The following RGS7 variants were observed in gnomAD, a reference collection of about 807,000 sequenced individuals.
RGS7 encodes the protein regulator of G protein signaling 7, also known as regulator of G-protein signaling 7.
A neutral mutation model predicts 81.1 loss-of-function variants in RGS7; 27 were observed. The ratio of observed to expected loss-of-function variants is 0.33; its 90% CI spans 0.25 to 0.46. The LOEUF is 0.46. RGS7 is among the 20% of genes least tolerant of loss of function. RGS7 has a pLI of 1.00. For missense variants in RGS7, 396 were observed against 607.4 expected, an observed-to-expected ratio of 0.65 and a Z score of 3.66; for synonymous variants, 208 against 207.7, an observed-to-expected ratio of 1.00 and a Z score of -0.01.
intron 2 of RGS7, among the ~76,000 whole-genome samples, chr1:241,262,694 T>C (rs1029119234): frequency 6.6e-6 from 1 of 152,156 alleles, no homozygotes; most frequent in Non-Finnish European, 1.5e-5. Flanking sequence ...TATTTCCCAA[T>C]TTCTAAACAG....
At chr1:240,791,453 G>T (rs1322446770) in intron 18 of RGS7, among the ~76,000 whole-genome samples, 2 of 152,192 alleles carry the variant, frequency 1.3e-5, no homozygotes, top group African/African-American at 4.8e-5. Context: ...ATGCAATTTA[G>T]ATAAAGATGT....
rs376767387 is a variant in RGS7 at position 240,827,196 on chromosome 1, C to A, written c.610-24G>T. On this transcript the variant is annotated intron_variant, in intron 9 of 18. Coordinates refer to ENST00000440928, the MANE Select transcript of RGS7 (RefSeq NM_001364886.1). ...GGCTGGGAATGGAAAAACAGAGAGACAAATGAATCTTTGGGTGTGAAATTT... is the reference window on the plus strand; with the variant it reads ...GGCTGGGAATGGAAAAACAGAGAGAAAAATGAATCTTTGGGTGTGAAATTT... 83 of 1,577,802 alleles carry A rather than the reference C, an allele frequency of 5.3e-5. No individual in the cohort carries two copies. In the African/African-American group the frequency reaches 9.4e-4, roughly 18 times the overall value.
chr1:240,992,179 T>C (rs893366386), intron 3 of RGS7, among the ~76,000 whole-genome samples: 3 of 152,178 alleles, frequency 2.0e-5, no homozygotes, highest in Non-Finnish European at 4.4e-5. Context: ...CATTAAAGAT[T>C]GACAAAATGA....
At chr1:240,982,370 C>T (rs534640737) in intron 4 of RGS7, among the ~76,000 whole-genome samples, 16 of 143,780 alleles carry the variant, frequency 1.1e-4, no homozygotes, top group African/African-American at 3.9e-4. Flanking sequence ...TGCAGTGAGC[C>T]GAGATTGCAC....
chr1:241,016,295 T>G (rs1042155354), intron 3 of RGS7, among the ~76,000 whole-genome samples: 29 of 152,054 alleles, frequency 1.9e-4, no homozygotes, highest in Admixed American at 1.8e-3. Flanking sequence ...CAAGGTGGTC[T>G]GATTATGAGG....
intron 2 of RGS7, among the ~76,000 whole-genome samples, chr1:241,203,903 T>G (rs769392253): frequency 6.6e-6 from 1 of 152,210 alleles, no homozygotes; most frequent in Non-Finnish European, 1.5e-5. Flanking sequence ...GGGTATAACA[T>G]GCACAGTCCA....
intron 2 of RGS7, among the ~76,000 whole-genome samples, chr1:241,132,838 C>A (rs1318897628): frequency 6.6e-6 from 1 of 152,194 alleles, no homozygotes; most frequent in East Asian, 1.9e-4. Context: ...TCTCGGCTCA[C>A]TGCAAGCTCT....
At chr1:241,065,065 G>C (rs949316146) in intron 3 of RGS7, among the ~76,000 whole-genome samples, 1 of 151,852 alleles carries the variant, frequency 6.6e-6, no homozygotes, top group Non-Finnish European at 1.5e-5. Context: ...TTTAGAATCG[G>C]GAAGATACAC....
chr1:240,918,460 A>G (rs1672954258), intron 6 of RGS7, among the ~76,000 whole-genome samples: 1 of 152,152 alleles, frequency 6.6e-6, no homozygotes. Context: ...GAAAATCTCA[A>G]AGTACCTAAA....
intron 2 of RGS7, among the ~76,000 whole-genome samples, chr1:241,252,307 G>T (rs1320595438): frequency 2.0e-5 from 3 of 152,102 alleles, no homozygotes; most frequent in Admixed American, 6.5e-5. Flanking sequence ...GCCTCCCAAA[G>T]TGTTGGGATT....
rs58610723 is a variant in RGS7, at chr1:241,144,926, G to GGTGTGTGTGTGTGTGT, written c.79-46180_79-46165dup. Reference sequence around the variant, plus strand: ...TCAGTATGTGTTGGCAGGGCAGGATGGTGTGTGTGTGTGTGTGTGTGTGTG... The same window carrying GGTGTGTGTGTGTGTGT: ...TCAGTATGTGTTGGCAGGGCAGGATGGTGTGTGTGTGTGTGTGTGTGTGTGTGTGTGTGTGTGTGTG... On this transcript the variant is annotated intron_variant, in intron 2 of 18. Transcript: ENST00000440928. The surrounding 1 kb of genome is among the most constrained non-coding windows in gnomAD (Gnocchi z 4.7). Among the ~76,000 whole-genome samples the GGTGTGTGTGTGTGTGT allele has an allele frequency of 1.5e-3, 207 of 141,964 alleles. 2 individuals carry two copies. Among genetic ancestry groups the GGTGTGTGTGTGTGTGT allele is most frequent in the African/African-American group, 5.2e-3 (196 of 37,414 alleles). 93.1% of individuals were successfully genotyped at this position (141,964 alleles called of 152,430 possible).
chr1:241,224,151 T>A (rs1285509193), intron 2 of RGS7, among the ~76,000 whole-genome samples: 2 of 151,962 alleles, frequency 1.3e-5, no homozygotes, highest in African/African-American at 2.4e-5. Context: ...GAACATGCAG[T>A]TTTGTTACAT....
chr1:241,259,374 G>C (rs1304626370), intron 2 of RGS7, among the ~76,000 whole-genome samples: 1 of 151,902 alleles, frequency 6.6e-6, no homozygotes, highest in African/African-American at 2.4e-5. Context: ...TGTATTACTG[G>C]CCAGGCGCAG....
At chr1:241,308,314 C>T (rs1158321175) in intron 2 of RGS7, among the ~76,000 whole-genome samples, 1 of 152,152 alleles carries the variant, frequency 6.6e-6, no homozygotes, top group Non-Finnish European at 1.5e-5. Flanking sequence ...GGTATTTAGC[C>T]TAGAACCACC....
intron 9 of RGS7, among the ~76,000 whole-genome samples, chr1:240,865,790 G>A (rs1273899744): frequency 1.3e-5 from 2 of 152,068 alleles, no homozygotes; most frequent in African/African-American, 4.8e-5. Flanking sequence ...TTTCTTGAGG[G>A]GGCCTAGTTA....
chr1:241,070,984 C>A (rs1302454257), intron 3 of RGS7, among the ~76,000 whole-genome samples: 2 of 152,154 alleles, frequency 1.3e-5, no homozygotes, highest in African/African-American at 4.8e-5. Context: ...CTAGATTGTC[C>A]TCCTTTTTCT....
At chr1:240,912,239 G>A (rs753192462) in intron 6 of RGS7, among the ~76,000 whole-genome samples, 1 of 147,478 alleles carries the variant, frequency 6.8e-6, no homozygotes, top group African/African-American at 2.5e-5. Flanking sequence ...GCTGGTAAGT[G>A]TTATTCCAAT....
intron 6 of RGS7, among the ~76,000 whole-genome samples, chr1:240,904,070 A>G (rs1435421752): frequency 2.0e-5 from 3 of 152,214 alleles, no homozygotes; most frequent in African/African-American, 7.2e-5. Flanking sequence ...CAACGGTGGC[A>G]TCTGTTACTA....
At chr1:240,854,853 T>C (rs74737013) in intron 9 of RGS7, among the ~76,000 whole-genome samples, 2,761 of 152,262 alleles carry the variant, frequency 0.018, 88 homozygotes, top group African/African-American at 0.064. Flanking sequence ...GCTCAAAAGA[T>C]GGGCAGAGTT....
Sources: gnomAD v4.1 joint callset for allele counts (sites outside exome capture counted in the v4.1 genomes callset) on GRCh38, gnomAD v4.1.1 for gene constraint, Gnocchi (gnomAD v3.1) non-coding constraint, MANE v1.5 for transcripts, NCBI Gene and HGNC (gene_info 2026-07-23, HGNC 2026-07-21) for gene names.